Variants in CCDC146 observed in about 807,000 individuals in gnomAD.
The protein encoded by CCDC146 is coiled-coil domain containing 146.
In CCDC146, 92 loss-of-function variants were observed where a neutral mutation model predicts 119.3. The observed-to-expected ratio is 0.77, with a 90% CI of 0.65 to 0.92. CCDC146 has a LOEUF of 0.92. Ranked by LOEUF, CCDC146 falls within the 40% of genes least tolerant of loss-of-function variation. The pLI, the probability that CCDC146 is intolerant of heterozygous loss-of-function variation, is 0.00. For missense variants in CCDC146, 1,000 were observed against 1,103.0 expected (o/e 0.91, Z 1.32); for synonymous variants, 372 against 371.8 (o/e 1.00, Z -0.01).
intron 1 of CCDC146, among the ~76,000 whole-genome samples, chr7:77,163,784 C>T (rs1320589684): frequency 6.6e-6 from 1 of 150,558 alleles, no homozygotes; most frequent in African/African-American, 2.4e-5. Flanking sequence ...TTAATGTGTA[C>T]TTGAGGAATA....
At chr7:77,146,368 A>G (rs1012194531) in intron 1 of CCDC146, among the ~76,000 whole-genome samples, 6 of 151,312 alleles carry the variant, frequency 4.0e-5, no homozygotes, top group Non-Finnish European at 8.8e-5. Context: ...CTCTTTATCC[A>G]ATTTGCCAGT....
In CCDC146 at chr7:77,182,067, TCC is replaced by T. The variant is rs1429142959; in HGVS notation, c.156+14244_156+14245del. 5.9e-5 allele frequency among the ~76,000 whole-genome samples: 9 copies of T among 152,256 alleles called. No individual in the cohort carries two copies. The East Asian group carries it at 1.7e-3, about 29-fold the overall frequency. On this transcript the variant is annotated intron_variant, in intron 2 of 18. Coordinates refer to ENST00000285871, the MANE Select transcript of CCDC146 (RefSeq NM_020879.3). ...CTTTACCCCTTTTCAGCCTATGCAA[TCC>T]AGGTGGAGGCAAACAGATACATCTG...
At chr7:77,289,672 TCTC>T (rs1385500110) in intron 17 of CCDC146, among the ~76,000 whole-genome samples, 3 of 152,230 alleles carry the variant, frequency 2.0e-5, no homozygotes, top group South Asian at 2.1e-4. Context: ...AGATTGCACA[TCTC>T]CTCAAGTGTC....
chr7:77,145,936 A>G (rs1426932480), intron 1 of CCDC146, among the ~76,000 whole-genome samples: 4 of 151,908 alleles, frequency 2.6e-5, no homozygotes, highest in Admixed American at 1.3e-4. Flanking sequence ...TATTAGGTCC[A>G]CTTGGTGCAG....
At chr7:77,216,451 C>T (rs1333310087) in intron 2 of CCDC146, among the ~76,000 whole-genome samples, 2 of 152,090 alleles carry the variant, frequency 1.3e-5, no homozygotes, top group East Asian at 3.8e-4. Context: ...CCCTACAAAG[C>T]CTCAGGCCAG....
rs1192123018 is a variant in CCDC146 at position 77,293,195 on chromosome 7, T to G, written c.2659T>G (p.Ser887Ala). ...GCACGCCTTGGCCATCGCTGAAAAG[T>G]CTCAGGTAGGCTTTGGCTCCTGTAT... ...EMHALAIAEK[S>A]QEFLEADNRQ... The change falls in exon 18 of 19, where the codon TCT becomes GCT. Residue 887 changes from serine (S) to alanine (A), a missense_variant. Coordinates refer to ENST00000285871, the MANE Select transcript of CCDC146 (RefSeq NM_020879.3). 1 of 1,613,734 alleles carries G rather than the reference T, an allele frequency of 6.2e-7. No individual in the cohort carries two copies. Among genetic ancestry groups the G allele is most frequent in the Admixed American group, 1.7e-5 (1 of 59,984 alleles).
rs183293255 is a variant in CCDC146 at position 77,162,303 on chromosome 7, A to C, written c.-11-5355A>C. ...GATCTCATGTTTAATTCTTTAATCT[A>C]GTTTGAGTTAACTTTTGTGTGTGAT... On this transcript the variant is annotated intron_variant, in intron 1 of 18. Coordinates refer to ENST00000285871, the MANE Select transcript of CCDC146 (RefSeq NM_020879.3). Among the ~76,000 whole-genome samples the C allele has an allele frequency of 6.6e-3, 1,002 of 152,116 alleles. 26 individuals carry two copies. In the East Asian group the frequency reaches 0.067, roughly 10 times the overall value.
intron 2 of CCDC146, among the ~76,000 whole-genome samples, chr7:77,210,600 C>T (rs1275770299): frequency 6.6e-6 from 1 of 152,216 alleles, no homozygotes; most frequent in African/African-American, 2.4e-5. Context: ...CACATTTTTA[C>T]TTAACTTTAT....
chr7:77,230,566 C>T (rs1298727170), intron 2 of CCDC146, among the ~76,000 whole-genome samples: 3 of 151,724 alleles, frequency 2.0e-5, no homozygotes, highest in Non-Finnish European at 4.4e-5. Context: ...CTTCTCCCTT[C>T]CATTATTTTA....
chr7:77,245,697 T>C (rs1331120783), intron 4 of CCDC146, among the ~76,000 whole-genome samples: 1 of 152,106 alleles, frequency 6.6e-6, no homozygotes, highest in African/African-American at 2.4e-5. Flanking sequence ...GGTCCAGTGC[T>C]GATAGCAAAG....
chr7:77,219,340 T>TATG (rs199957375), intron 2 of CCDC146, among the ~76,000 whole-genome samples: 6,614 of 152,202 alleles, frequency 0.043, 189 homozygotes, highest in Non-Finnish European at 0.065. Flanking sequence ...TTATACTTTG[T>TATG]TATGTATGGT....
intron 17 of CCDC146, among the ~76,000 whole-genome samples, chr7:77,291,701 C>G (rs934913556): frequency 1.3e-5 from 2 of 152,172 alleles, no homozygotes; most frequent in Admixed American, 6.5e-5. Context: ...GAGTGAGACC[C>G]TGTCTCAAAA....
chr7:77,234,857 A>G (rs1792704283), intron 2 of CCDC146, among the ~76,000 whole-genome samples: 1 of 152,198 alleles, frequency 6.6e-6, no homozygotes, highest in African/African-American at 2.4e-5. Flanking sequence ...TATTTCACCC[A>G]TAGATTAAAA....
At chr7:77,223,954 A>G (rs1792454762) in intron 2 of CCDC146, among the ~76,000 whole-genome samples, 1 of 152,194 alleles carries the variant, frequency 6.6e-6, no homozygotes, top group Non-Finnish European at 1.5e-5. Context: ...GTGTCACTTG[A>G]AGGAGCCACA....
In CCDC146 at chr7:77,248,213, TAAGTAATGTGTAC is replaced by T. The variant is rs756898611; in HGVS notation, c.450-6291_450-6279del. Among the ~76,000 whole-genome samples the T allele has an allele frequency of 7.6e-4, 115 of 152,254 alleles. 1 individual carries two copies. The highest frequency in any genetic ancestry group is 2.1e-3 in the Admixed American group (32 of 15,290). On this transcript the variant is annotated intron_variant, in intron 4 of 18. Transcript: ENST00000285871. ...ACCACATGTTCTCATAAGTGGGAGC[TAAGTAATGTGTAC>T]ACGTGGACGTAGAGTGTGGACTAGT...
At chr7:77,265,523 A>G (rs185044304) in intron 9 of CCDC146, among the ~76,000 whole-genome samples, 1 of 151,220 alleles carries the variant, frequency 6.6e-6, no homozygotes. Flanking sequence ...GAAGGGTTAT[A>G]CATTGGTAAA....
At chr7:77,193,777 C>T (rs963180258) in intron 2 of CCDC146, 1 of 152,408 alleles carries the variant, frequency 6.6e-6, no homozygotes, top group Non-Finnish European at 1.5e-5. Context: ...GTAATCATGA[C>T]CTCAGAAATA....
intron 4 of CCDC146, among the ~76,000 whole-genome samples, chr7:77,252,883 G>A (rs1250540642): frequency 2.0e-5 from 3 of 152,198 alleles, no homozygotes; most frequent in South Asian, 2.1e-4. Context: ...CATGGCTGGG[G>A]AAGACATTTG....
chr7:77,270,295 T>C (rs1196033354), intron 9 of CCDC146, among the ~76,000 whole-genome samples: 2 of 152,038 alleles, frequency 1.3e-5, no homozygotes, highest in African/African-American at 4.8e-5. Flanking sequence ...GGAGTAGTAC[T>C]TGAAGCAGCA....
Sources: gnomAD v4.1 joint callset for allele counts (sites outside exome capture counted in the v4.1 genomes callset) on GRCh38, gnomAD v4.1.1 for gene constraint, MANE v1.5 for transcripts, NCBI Gene and HGNC (gene_info 2026-07-23, HGNC 2026-07-21) for gene names.